Variants in MEI4 observed in about 807,000 individuals in gnomAD.
MEI4 encodes meiotic double-stranded break formation protein 4, also known as meiosis-specific protein MEI4.
MEI4 carries 27 observed loss-of-function variants against 31.4 expected under a neutral mutation model. The observed-to-expected ratio is 0.86, with a 90% CI of 0.63 to 1.19. The LOEUF is 1.19. MEI4 is among the 50% of genes most tolerant of loss of function. The pLI is 0.00. For synonymous variants in MEI4, 122 were observed against 145.4 expected (o/e 0.84, Z 1.16); for missense variants, 329 against 398.9 (o/e 0.82, Z 1.49).
intron 3 of MEI4, among the ~76,000 whole-genome samples, chr6:77,783,113 C>T (rs1768635937): frequency 6.6e-6 from 1 of 152,014 alleles, no homozygotes; most frequent in Non-Finnish European, 1.5e-5. Context: ...TGAGTTTTTC[C>T]TACGTTTTGC....
intron 2 of MEI4, among the ~76,000 whole-genome samples, chr6:77,756,517 A>C (rs1767921822): frequency 6.6e-6 from 1 of 151,312 alleles, no homozygotes; most frequent in Admixed American, 6.6e-5. Context: ...AGTAGATGCT[A>C]TAAAAAAGCA....
At chr6:77,731,397 C>G (rs1766987220) in intron 2 of MEI4, among the ~76,000 whole-genome samples, 1 of 151,346 alleles carries the variant, frequency 6.6e-6, no homozygotes, top group Non-Finnish European at 1.5e-5. Flanking sequence ...AGCATTTTTT[C>G]CTGTGTTTTT....
Position 77,925,365 on chromosome 6 carries a change from T to C in MEI4, c.*2019T>C, listed in dbSNP as rs1482113723. Reference sequence around the variant, plus strand: ...ATAAACATTTAACTTCCACCAAGTATATGATACTTTAATTATCCTGGGTTT... The same window carrying C: ...ATAAACATTTAACTTCCACCAAGTACATGATACTTTAATTATCCTGGGTTT... On this transcript the variant is annotated 3_prime_UTR_variant, in exon 5 of 5. Coordinates refer to ENST00000684080, the MANE Select transcript of MEI4 (RefSeq NM_001322247.2). The C allele has an allele frequency of 1.3e-5, 2 of 151,870 alleles. No individual in the cohort carries two copies. The highest frequency in any genetic ancestry group is 1.9e-4 in the East Asian group (1 of 5,154). The allele number at this position is 151,870 out of a possible 1,614,324, so 9.4% of individuals were successfully genotyped here. A position where few individuals can be genotyped will look rare whatever the true frequency, so the allele number is the denominator to read the frequency against.
At position 77,923,119 on chromosome 6, in the gene MEI4, G is replaced by GAAAACATTTTCTACC. The variant is rs2127743537; in HGVS notation, c.932_946dup (p.Tyr315_Leu316insGlnAsnIlePheTyr). ...AGCCAGTTATGATGTGTCACGCTAT[G>GAAAACATTTTCTACC]AAAACATTTTCTACCTGTTCTGGGT... is the stretch of plus-strand genomic sequence containing the variant. On this transcript the variant is annotated inframe_insertion, in exon 5 of 5. Transcript: ENST00000684080. 8.1e-7 allele frequency: 1 copy of GAAAACATTTTCTACC among 1,230,382 alleles called. No individual in the cohort carries two copies. Among genetic ancestry groups the GAAAACATTTTCTACC allele is most frequent in the Non-Finnish European group, 1.0e-6 (1 of 986,736 alleles). The allele number at this position is 1,230,382 out of a possible 1,614,324, so 76.2% of individuals were successfully genotyped here. A position where few individuals can be genotyped will look rare whatever the true frequency, so the allele number is the denominator to read the frequency against.
intron 2 of MEI4, among the ~76,000 whole-genome samples, chr6:77,716,404 A>T (rs993165854): frequency 1.3e-5 from 2 of 152,246 alleles, no homozygotes; most frequent in African/African-American, 4.8e-5. Context: ...ACTTGGCTGC[A>T]CATTAGAATT....
intron 4 of MEI4, among the ~76,000 whole-genome samples, chr6:77,892,352 G>C (rs1765980862): frequency 6.6e-6 from 1 of 152,130 alleles, no homozygotes; most frequent in South Asian, 2.1e-4. Context: ...TTATGCATAG[G>C]TGTCACTGCA....
At chr6:77,709,968 G>A (rs1766421210) in intron 2 of MEI4, among the ~76,000 whole-genome samples, 1 of 152,074 alleles carries the variant, frequency 6.6e-6, no homozygotes, top group African/African-American at 2.4e-5. Context: ...ATGCCTGTGG[G>A]CTGCTTTATG....
chr6:77,786,742 C>T (rs914440460), intron 3 of MEI4, among the ~76,000 whole-genome samples: 6 of 152,046 alleles, frequency 3.9e-5, no homozygotes, highest in Non-Finnish European at 8.8e-5. Flanking sequence ...TTTAAAGCTT[C>T]TTTATGCCAT....
At chr6:77,877,251 G>A (rs1771364261) in intron 4 of MEI4, among the ~76,000 whole-genome samples, 1 of 151,876 alleles carries the variant, frequency 6.6e-6, no homozygotes, top group South Asian at 2.1e-4. Context: ...ATGTGTGTGT[G>A]TGTGTGGGTA....
chr6:77,813,358 A>T (rs1047350221), intron 3 of MEI4, among the ~76,000 whole-genome samples: 1 of 152,144 alleles, frequency 6.6e-6, no homozygotes, highest in African/African-American at 2.4e-5. Flanking sequence ...GTTTTCCAAT[A>T]TGCAAGCATA....
intron 2 of MEI4, among the ~76,000 whole-genome samples, chr6:77,706,347 AACAG>A (rs1220264768): frequency 6.6e-6 from 1 of 152,122 alleles, no homozygotes; most frequent in Non-Finnish European, 1.5e-5. Flanking sequence ...GAAAAATCCA[AACAG>A]ACAGGCCTTG....
intron 2 of MEI4, among the ~76,000 whole-genome samples, chr6:77,744,546 C>T (rs573492359): frequency 3.2e-4 from 49 of 152,234 alleles, no homozygotes; most frequent in African/African-American, 1.2e-3. Context: ...AAACACTTTT[C>T]AGGATATTAT....
rs1005005002 is a variant in MEI4 at position 77,863,920 on chromosome 6, A to G, written c.900+34858A>G. Among the ~76,000 whole-genome samples, 8 of 152,354 alleles carry G rather than the reference A, an allele frequency of 5.3e-5. No individual in the cohort carries two copies. In the East Asian group the frequency reaches 1.5e-3, roughly 29 times the overall value. On this transcript the variant is annotated intron_variant, in intron 4 of 4. Coordinates refer to ENST00000684080, the MANE Select transcript of MEI4 (RefSeq NM_001322247.2). ...TACAAGCCAAAAGAGAGTGGGGGCC[A>G]ATATTCAACATTCTTAAAGAAAAGA...
At chr6:77,838,449 C>G (rs1052991121) in intron 4 of MEI4, among the ~76,000 whole-genome samples, 3 of 152,024 alleles carry the variant, frequency 2.0e-5, no homozygotes. Flanking sequence ...ATAAAGGTTG[C>G]CTGATTTATA....
At chr6:77,920,454 C>T (rs149765951) in intron 4 of MEI4, among the ~76,000 whole-genome samples, 288 of 151,948 alleles carry the variant, frequency 1.9e-3, no homozygotes, top group Middle Eastern at 0.01. Flanking sequence ...CTATTTTCAC[C>T]GCATCTGCAG....
chr6:77,709,315 T>G (rs1766404144), intron 2 of MEI4, among the ~76,000 whole-genome samples: 2 of 152,194 alleles, frequency 1.3e-5, no homozygotes, highest in African/African-American at 4.8e-5. Context: ...GAACAAAGAT[T>G]AGGTTGCATT....
chr6:77,845,800 A>T (rs1250942816), intron 4 of MEI4, among the ~76,000 whole-genome samples: 1 of 150,986 alleles, frequency 6.6e-6, no homozygotes, highest in Non-Finnish European at 1.5e-5. Context: ...CTTGAGAATA[A>T]TTTTTTCAAG....
At chr6:77,836,360 A>G (rs1485751881) in intron 4 of MEI4, among the ~76,000 whole-genome samples, 1 of 152,152 alleles carries the variant, frequency 6.6e-6, no homozygotes, top group East Asian at 1.9e-4. Flanking sequence ...ATGCATACTT[A>G]TATTAAATAC....
chr6:77,805,086 G>A (rs1469703516), intron 3 of MEI4, among the ~76,000 whole-genome samples: 1 of 152,016 alleles, frequency 6.6e-6, no homozygotes, highest in African/African-American at 2.4e-5. Flanking sequence ...AGTAATAGAA[G>A]ATATTTTTAT....
Sources: gnomAD v4.1 joint callset for allele counts (sites outside exome capture counted in the v4.1 genomes callset) on GRCh38, gnomAD v4.1.1 for gene constraint, MANE v1.5 for transcripts, NCBI Gene and HGNC (gene_info 2026-07-23, HGNC 2026-07-21) for gene names.